CACNB4: variants seen among roughly 807,000 people sequenced by gnomAD.
The protein encoded by CACNB4 is calcium voltage-gated channel auxiliary subunit beta 4.
Under a neutral mutation model 71.2 loss-of-function variants are expected in CACNB4, and 32 were observed. That is an observed-to-expected ratio of 0.45 (90% CI 0.34 to 0.60). The LOEUF (loss-of-function observed/expected upper bound fraction) is 0.60. CACNB4 is among the 20% of genes least tolerant of loss of function. The probability of loss-of-function intolerance (pLI) is 0.01; values close to 1 mark genes in which losing one functional copy is unlikely to be tolerated. For missense variants in CACNB4, 464 were observed against 647.9 expected (o/e 0.72, Z 3.08); for synonymous variants, 231 against 236.9 (o/e 0.97, Z 0.23).
upstream of CACNB4, chr2:152,099,079 T>A (rs544603789): frequency 1.8e-6 from 2 of 1,109,250 alleles, no homozygotes; most frequent in Non-Finnish European, 2.5e-6. Flanking sequence ...GAGGCTGGGC[T>A]GCGGACGGAG....
intron 2 of CACNB4, among the ~76,000 whole-genome samples, chr2:152,075,741 C>T (rs1001199688): frequency 6.6e-6 from 1 of 152,164 alleles, no homozygotes; most frequent in Non-Finnish European, 1.5e-5. Flanking sequence ...AAGTCTTTGC[C>T]TCCTGAGGAG....
chr2:151,966,985 A>G (rs2099871293), intron 2 of CACNB4: 1 of 151,978 alleles, frequency 6.6e-6, no homozygotes, highest in African/African-American at 2.4e-5. Flanking sequence ...ATGGCCACAA[A>G]GTAGGAAAGG....
chr2:151,919,402 G>A (rs2099858355), intron 2 of CACNB4, among the ~76,000 whole-genome samples: 1 of 152,140 alleles, frequency 6.6e-6, no homozygotes, highest in Admixed American at 6.5e-5. Context: ...CAGCCTGTAT[G>A]AGGATTCTGA....
intron 2 of CACNB4, among the ~76,000 whole-genome samples, chr2:151,950,694 A>T (rs968983720): frequency 6.6e-6 from 1 of 152,248 alleles, no homozygotes; most frequent in Admixed American, 6.5e-5. Flanking sequence ...ATTACACTAC[A>T]TGAATGTCTG....
At chr2:152,096,851 CAA>C (rs1688297327) in intron 2 of CACNB4, among the ~76,000 whole-genome samples, 1 of 152,102 alleles carries the variant, frequency 6.6e-6, no homozygotes, top group Non-Finnish European at 1.5e-5. Context: ...TAGATGAACT[CAA>C]AAGTTTTAGT....
intron 2 of CACNB4, among the ~76,000 whole-genome samples, chr2:151,935,717 A>C (rs2099862768): frequency 6.6e-6 from 1 of 152,244 alleles, no homozygotes; most frequent in Non-Finnish European, 1.5e-5. Flanking sequence ...ACAAATTATC[A>C]AAACATGCAA....
chr2:151,978,638 G>A (rs904670101), intron 2 of CACNB4, among the ~76,000 whole-genome samples: 24 of 152,310 alleles, frequency 1.6e-4, no homozygotes, highest in Middle Eastern at 3.4e-3. Context: ...ATGGGTACCT[G>A]GCACCAACTG....
At chr2:151,864,667 C>T (rs745496651) in intron 9 of CACNB4, among the ~76,000 whole-genome samples, 23 of 152,278 alleles carry the variant, frequency 1.5e-4, no homozygotes, top group Non-Finnish European at 2.9e-4. Flanking sequence ...TTGGTAGTTG[C>T]ATGAGTCATT....
Position 152,026,655 on chromosome 2 carries a change from C to T in CACNB4, c.147+71675G>A, listed in dbSNP as rs181543950. Among the ~76,000 whole-genome samples, 495 of 152,258 alleles carry T rather than the reference C, an allele frequency of 3.3e-3. 4 individuals are homozygous for T. The highest frequency in any genetic ancestry group is 3.5e-3 in the Non-Finnish European group (235 of 68,016). ...TCGGCCTCCCAAAGTGCTGAGATTA[C>T]AGCCATGAGCCACTGCACTCGGCCT... On this transcript the variant is annotated intron_variant, in intron 2 of 13. Transcript: ENST00000539935.
chr2:151,985,774 C>T (rs937103321), intron 2 of CACNB4, among the ~76,000 whole-genome samples: 4 of 151,812 alleles, frequency 2.6e-5, no homozygotes, highest in Non-Finnish European at 4.4e-5. Flanking sequence ...GAGGAATGTC[C>T]ATCCACATCT....
intron 2 of CACNB4, among the ~76,000 whole-genome samples, chr2:151,977,823 G>A (rs758838876): frequency 5.9e-5 from 9 of 152,244 alleles, no homozygotes; most frequent in Non-Finnish European, 1.0e-4. Context: ...TTGGGACTCA[G>A]CCAAGGCTAG....
At chr2:152,053,592 C>T (rs1424422444) in intron 2 of CACNB4, among the ~76,000 whole-genome samples, 6 of 149,474 alleles carry the variant, frequency 4.0e-5, no homozygotes, top group South Asian at 2.1e-4. Context: ...GGTGTGATCA[C>T]AGCTCACTGC....
At chr2:152,025,476 T>C (rs1683911358) in intron 2 of CACNB4, among the ~76,000 whole-genome samples, 1 of 152,090 alleles carries the variant, frequency 6.6e-6, no homozygotes, top group Non-Finnish European at 1.5e-5. Flanking sequence ...ATTGTAAGCA[T>C]AAGAAAGAGC....
intron 2 of CACNB4, among the ~76,000 whole-genome samples, chr2:152,070,407 T>C (rs1686615202): frequency 6.6e-6 from 1 of 152,160 alleles, no homozygotes; most frequent in Admixed American, 6.5e-5. Context: ...GGGTTGTAAT[T>C]CTTTATGCAT....
intron 9 of CACNB4, chr2:151,861,071 T>C (rs1578500972): frequency 4.2e-6 from 2 of 475,594 alleles, no homozygotes; most frequent in East Asian, 3.8e-5. Context: ...TCCTCCATTA[T>C]GGCCTGCCTT....
At chr2:151,999,697 C>A (rs990438409) in intron 2 of CACNB4, among the ~76,000 whole-genome samples, 1 of 152,100 alleles carries the variant, frequency 6.6e-6, no homozygotes, top group Non-Finnish European at 1.5e-5. Flanking sequence ...TCATTAGCAG[C>A]CATTTCATTT....
At chr2:152,060,184 C>A (rs1363200484) in intron 2 of CACNB4, among the ~76,000 whole-genome samples, 1 of 152,166 alleles carries the variant, frequency 6.6e-6, no homozygotes, top group Non-Finnish European at 1.5e-5. Context: ...ACACATCTAT[C>A]TCCCACACTA....
intron 2 of CACNB4, among the ~76,000 whole-genome samples, chr2:152,010,871 C>A (rs1683017606): frequency 6.6e-6 from 1 of 152,154 alleles, no homozygotes; most frequent in South Asian, 2.1e-4. Context: ...TCAAGGACAG[C>A]AACCAGCAGG....
At chr2:151,976,192 G>T (rs1209715497) in intron 2 of CACNB4, among the ~76,000 whole-genome samples, 1 of 152,224 alleles carries the variant, frequency 6.6e-6, no homozygotes, top group East Asian at 1.9e-4. Flanking sequence ...TAGATGTGAA[G>T]GGGCAGGCTC....
Sources: allele counts gnomAD v4.1 joint callset (sites outside exome capture counted in the v4.1 genomes callset), GRCh38; gene constraint gnomAD v4.1.1; transcripts MANE v1.5; gene names NCBI Gene and HGNC (gene_info 2026-07-23, HGNC 2026-07-21).